The following RSRP1 variants were observed in gnomAD, a reference collection of about 807,000 sequenced individuals.
RSRP1 encodes the protein arginine/serine-rich protein 1.
In RSRP1, 37 loss-of-function variants were observed where a neutral mutation model predicts 33.0. The observed-to-expected ratio is 1.12, with a 90% CI of 0.86 to 1.48. RSRP1 has a LOEUF of 1.48. RSRP1 is among the 40% of genes most tolerant of loss of function. The pLI is 0.00. For missense variants in RSRP1, 402 were observed against 385.3 expected, an observed-to-expected ratio of 1.04 and a Z score of -0.36; for synonymous variants, 167 against 158.7, an observed-to-expected ratio of 1.05 and a Z score of -0.40.
At position 25,269,865 on chromosome 1, in the gene RSRP1, C is replaced by T. The variant is rs527751409; in HGVS notation, c.-66-22836G>A. Among the ~76,000 whole-genome samples the T allele has an allele frequency of 1.4e-3, 184 of 132,514 alleles. 30 individuals are homozygous for T. Among genetic ancestry groups the T allele is most frequent in the South Asian group, 8.1e-3 (35 of 4,342 alleles). 86.9% of individuals were successfully genotyped at this position (132,514 alleles called of 152,430 possible). Reference sequence around the variant, plus strand: ...CTTCCTTACTGGGGCAGGATCAGGACGCACAGGGATTTGGAGTGCCTTGGA... The same window carrying T: ...CTTCCTTACTGGGGCAGGATCAGGATGCACAGGGATTTGGAGTGCCTTGGA... On this transcript the variant is annotated intron_variant, in intron 1 of 1. Transcript: ENST00000561867.
intron 1 of RSRP1, among the ~76,000 whole-genome samples, chr1:25,305,774 G>T (rs1326869144): frequency 1.5e-5 from 2 of 130,304 alleles, no homozygotes; most frequent in East Asian, 3.9e-4. Context: ...CTAATTTTTT[G>T]TGTTTTTAGT....
At chr1:25,259,569 C>T (rs1275261998) in intron 1 of RSRP1, among the ~76,000 whole-genome samples, 2 of 151,954 alleles carry the variant, frequency 1.3e-5, no homozygotes, top group African/African-American at 4.8e-5. Context: ...GTGCCGCAAT[C>T]TCAGCTCGCC....
At chr1:25,263,873 G>A (rs1162855232) in intron 1 of RSRP1, among the ~76,000 whole-genome samples, 3 of 152,034 alleles carry the variant, frequency 2.0e-5, no homozygotes, top group Admixed American at 6.5e-5. Flanking sequence ...CAGGCATTGG[G>A]TAAATACAGC....
At chr1:25,254,558 C>T (rs1374013253) in intron 1 of RSRP1, among the ~76,000 whole-genome samples, 1 of 152,178 alleles carries the variant, frequency 6.6e-6, no homozygotes, top group Non-Finnish European at 1.5e-5. Context: ...GCCTCAGCCT[C>T]CTGAGTAGCT....
chr1:25,246,990 T>C lies in RSRP1; in HGVS notation c.-27A>G. On this transcript the variant is annotated 5_prime_UTR_variant, in exon 2 of 5. Transcript: ENST00000243189. ...TTCACCTGCGGCTTTAGCCTGCGCTTTCTCCGGAAAGGATCCCGCAAGCCT... is the reference window on the plus strand; with the variant it reads ...TTCACCTGCGGCTTTAGCCTGCGCTCTCTCCGGAAAGGATCCCGCAAGCCT... 1.3e-6 allele frequency: 2 copies of C among 1,531,612 alleles called. No homozygotes were observed. Among genetic ancestry groups the C allele is most frequent in the Non-Finnish European group, 1.8e-6 (2 of 1,137,536 alleles). The allele number at this position is 1,531,612 out of a possible 1,614,324, so 94.9% of individuals were successfully genotyped here.
At chr1:25,306,764 A>T in intron 1 of RSRP1, 1 of 1,366,462 alleles carries the variant, frequency 7.3e-7, no homozygotes. Context: ...TCCCCTTAAC[A>T]CTCCCCTCCA....
In RSRP1 at chr1:25,291,720, C is replaced by T. The variant is rs1193592351; in HGVS notation, c.-66-44691G>A. On this transcript the variant is annotated intron_variant, in intron 1 of 1. Transcript: ENST00000561867. ...AGCCAGCATCTTCTTTCAGTCAGTG[C>T]GTGTCAGTAACTGCATATGTCCTCT... Among the ~76,000 whole-genome samples the T allele has an allele frequency of 2.3e-4, 31 of 132,468 alleles. 5 individuals are homozygous for T. The highest frequency in any genetic ancestry group is 7.2e-4 in the African/African-American group (28 of 38,816). 86.9% of individuals were successfully genotyped at this position (132,468 alleles called of 152,430 possible).
rs1400813578 is a variant in RSRP1, at chr1:25,277,752, G to A, written c.-66-30723C>T. Reference sequence around the variant, plus strand: ...TGCAGTGGTGCGATCTTGGCTCACCGCAACCTCCACCTCCCAGGTTCAAGT... The same window carrying A: ...TGCAGTGGTGCGATCTTGGCTCACCACAACCTCCACCTCCCAGGTTCAAGT... On this transcript the variant is annotated intron_variant, in intron 1 of 1. Transcript: ENST00000561867. Among the ~76,000 whole-genome samples, 195 of 120,696 alleles carry A rather than the reference G, an allele frequency of 1.6e-3. 15 individuals are homozygous for A. The highest frequency in any genetic ancestry group is 4.9e-3 in the African/African-American group (175 of 35,810). 79.2% of individuals were successfully genotyped at this position (120,696 alleles called of 152,430 possible). A position where few individuals can be genotyped will look rare whatever the true frequency, so the allele number is the denominator to read the frequency against.
At chr1:25,249,182 C>T (rs2124549008), upstream of RSRP1, among the ~76,000 whole-genome samples, 1 of 152,124 alleles carries the variant, frequency 6.6e-6, no homozygotes, top group East Asian at 1.9e-4. Flanking sequence ...ACACGAGTTT[C>T]ACATTTGACA....
At chr1:25,334,951 G>A (rs2124213597) in intron 1 of RSRP1, among the ~76,000 whole-genome samples, 1 of 123,876 alleles carries the variant, frequency 8.1e-6, no homozygotes, top group African/African-American at 3.0e-5. Flanking sequence ...AAAGACCTCT[G>A]ACATGCCCTG....
At chr1:25,305,318 TC>T (rs1643714678) in intron 1 of RSRP1, among the ~76,000 whole-genome samples, 1 of 132,136 alleles carries the variant, frequency 7.6e-6, no homozygotes, top group Admixed American at 7.3e-5. Context: ...TGGACCCAGA[TC>T]CCTGAAAGAT....
chr1:25,322,390 T>A (rs1644760174), intron 1 of RSRP1, among the ~76,000 whole-genome samples: 1 of 132,842 alleles, frequency 7.5e-6, no homozygotes, highest in Admixed American at 7.3e-5. Context: ...ATCTTACAAC[T>A]GGCTGGGCAC....
chr1:25,282,645 C>T lies in RSRP1; in HGVS notation c.-66-35616G>A, dbSNP rs1641593192. Among the ~76,000 whole-genome samples the T allele has an allele frequency of 1.5e-5, 2 of 132,406 alleles. 1 individual carries two copies. The highest frequency in any genetic ancestry group is 3.6e-5 in the Non-Finnish European group (2 of 55,816). The allele number at this position is 132,406 out of a possible 152,430, so 86.9% of individuals were successfully genotyped here. Reference sequence around the variant, plus strand: ...ACCTTTTTGAAAAACATTGTCTAGGCTGGGCACGATGGCTCATGCCTGTAA... The same window carrying T: ...ACCTTTTTGAAAAACATTGTCTAGGTTGGGCACGATGGCTCATGCCTGTAA... On this transcript the variant is annotated intron_variant, in intron 1 of 1. Transcript: ENST00000561867.
At chr1:25,256,440 C>T (rs1639951430) in intron 1 of RSRP1, among the ~76,000 whole-genome samples, 1 of 152,120 alleles carries the variant, frequency 6.6e-6, no homozygotes, top group African/African-American at 2.4e-5. Flanking sequence ...CATGAGCCAC[C>T]ATGCTGGGTC....
At chr1:25,244,925 C>T in intron 3 of RSRP1, 5 of 1,381,090 alleles carry the variant, frequency 3.6e-6, no homozygotes, top group Non-Finnish European at 4.7e-6. Flanking sequence ...CTCAAGCCAT[C>T]TGCCTCATTA....
intron 1 of RSRP1, among the ~76,000 whole-genome samples, chr1:25,314,930 C>T (rs1571728705): frequency 1.5e-5 from 2 of 130,874 alleles, no homozygotes; most frequent in Middle Eastern, 4.2e-3. Flanking sequence ...TTGCAGCCAG[C>T]GCGGTGGCTC....
At chr1:25,242,804 ATATTATCAATTGCTGGGCGCGG>A (rs1638961629) in intron 4 of RSRP1, 99 bp from the exon 5 acceptor site, 1 of 847,188 alleles carries the variant, frequency 1.2e-6, no homozygotes, top group Non-Finnish European at 1.9e-6. Flanking sequence ...AGCCTTAGAG[ATATTATCAATTGCTGGGCGCGG>A]TGGCTCACGC....
chr1:25,245,096 G>A (rs764048984), intron 3 of RSRP1, 54 bp downstream of exon 3: 1 of 1,613,816 alleles, frequency 6.2e-7, no homozygotes, highest in Non-Finnish European at 8.5e-7. Context: ...TGGCTAATCA[G>A]ATTTGACAGT....
At chr1:25,315,509 T>G (rs1306808907) in intron 1 of RSRP1, among the ~76,000 whole-genome samples, 2 of 123,854 alleles carry the variant, frequency 1.6e-5, no homozygotes, top group Non-Finnish European at 3.8e-5. Flanking sequence ...TTCTTTTTTT[T>G]TTTTTGAGAT....
Sources: gnomAD v4.1 joint callset for allele counts (sites outside exome capture counted in the v4.1 genomes callset) on GRCh38, gnomAD v4.1.1 for gene constraint, MANE v1.5 for transcripts, NCBI Gene and HGNC (gene_info 2026-07-23, HGNC 2026-07-21) for gene names.